The following NIN variants were observed in gnomAD, a reference collection of about 807,000 sequenced individuals.
The protein encoded by NIN is ninein.
NIN carries 137 observed loss-of-function variants against 257.6 expected under a neutral mutation model. The observed-to-expected ratio is 0.53, with a 90% CI of 0.46 to 0.61. NIN has a LOEUF of 0.61. Among genes scored for constraint, NIN ranks in the 20% least tolerant of loss-of-function variants. NIN has a pLI of 0.00. For missense variants in NIN, 2,439 were observed against 2,501.2 expected, an observed-to-expected ratio of 0.98 and a Z score of 0.53; for synonymous variants, 918 against 919.8, an observed-to-expected ratio of 1.00 and a Z score of 0.04.
intron 4 of NIN, among the ~76,000 whole-genome samples, chr14:50,797,037 A>AT (rs2043870666): frequency 6.6e-6 from 1 of 152,240 alleles, no homozygotes; most frequent in East Asian, 1.9e-4. Context: ...CTTTGCAAAA[A>AT]CATAAGCTCA....
chr14:50,741,490 A>T (rs1377347698), intron 25 of NIN, 92 bp downstream of exon 25: 1 of 938,278 alleles, frequency 1.1e-6, no homozygotes, highest in Non-Finnish European at 1.6e-6. Flanking sequence ...TTATATGTAC[A>T]TACATATACA....
At chr14:50,806,671 G>A in intron 4 of NIN, 66 bp downstream of exon 4, 1 of 838,796 alleles carries the variant, frequency 1.2e-6, no homozygotes, top group Non-Finnish European at 2.0e-6. Context: ...ATGCTTCAAG[G>A]TCCCCAGATT....
At chr14:50,738,569 G>T (rs1461873839) in intron 26 of NIN, among the ~76,000 whole-genome samples, 3 of 152,204 alleles carry the variant, frequency 2.0e-5, no homozygotes, top group Admixed American at 2.0e-4. Flanking sequence ...TGATGTGGCT[G>T]CCAGGAAAAC....
chr14:50,733,757 ATATAAT>A (rs1249425597), intron 28 of NIN, among the ~76,000 whole-genome samples: 1 of 152,170 alleles, frequency 6.6e-6, no homozygotes, highest in Non-Finnish European at 1.5e-5. Context: ...TCCTCAGAGT[ATATAAT>A]TATATTTCAT....
chr14:50,746,775 C>G (rs906404347), intron 22 of NIN, among the ~76,000 whole-genome samples: 1 of 152,160 alleles, frequency 6.6e-6, no homozygotes, highest in Admixed American at 6.5e-5. Flanking sequence ...TTGTTTTTTT[C>G]CAACAATGCA....
At chr14:50,790,027 C>A (rs934808883) in intron 5 of NIN, among the ~76,000 whole-genome samples, 1 of 152,226 alleles carries the variant, frequency 6.6e-6, no homozygotes, top group African/African-American at 2.4e-5. Flanking sequence ...TAACCGCCAA[C>A]AGGAACATCG....
At chr14:50,772,002 A>G (rs74343252) in intron 9 of NIN, 1 of 201,246 alleles carries the variant, frequency 5.0e-6, no homozygotes, top group Admixed American at 7.4e-5. Flanking sequence ...AAAACAAACA[A>G]CAAAAAACAA....
rs2040601121 is a variant in NIN at position 50,729,828 on chromosome 14, A to G, written c.5878-105T>C. Reference sequence around the variant, plus strand: ...AATGAAGACTATTAATTCATTAATAACCCCAGACCCACTGAAACTTGGAAA... The same window carrying G: ...AATGAAGACTATTAATTCATTAATAGCCCCAGACCCACTGAAACTTGGAAA... On this transcript the variant is annotated intron_variant, in intron 28 of 30. Coordinates refer to ENST00000530997, the MANE Select transcript of NIN (RefSeq NM_020921.4). 3.7e-6 allele frequency: 3 copies of G among 803,716 alleles called. No individual in the cohort carries two copies. In the Admixed American group the frequency reaches 1.0e-4, roughly 27 times the overall value. The allele number at this position is 803,716 out of a possible 1,614,324, so 49.8% of individuals were successfully genotyped here.
chr14:50,785,417 C>A (rs548737083), intron 5 of NIN, among the ~76,000 whole-genome samples: 2 of 152,358 alleles, frequency 1.3e-5, no homozygotes, highest in South Asian at 4.1e-4. Context: ...GCATTCTTAC[C>A]CAGCAGAGGT....
At chr14:50,748,576 T>C (rs779113423) in intron 21 of NIN, among the ~76,000 whole-genome samples, 12 of 152,144 alleles carry the variant, frequency 7.9e-5, no homozygotes, top group Non-Finnish European at 1.3e-4. Flanking sequence ...GAAAACCCCA[T>C]TGTCTCAGCC....
intron 7 of NIN, among the ~76,000 whole-genome samples, chr14:50,776,655 C>T (rs900066223): frequency 6.6e-6 from 1 of 152,208 alleles, no homozygotes; most frequent in East Asian, 1.9e-4. Flanking sequence ...GGCACCTCTA[C>T]AAATACATCT....
chr14:50,794,799 T>G (rs1364790591), intron 4 of NIN, among the ~76,000 whole-genome samples: 1 of 149,062 alleles, frequency 6.7e-6, no homozygotes, highest in East Asian at 2.0e-4. Context: ...AGAAAACAAC[T>G]ATCTTTTAAA....
intron 22 of NIN, 81 bp downstream of exon 22, chr14:50,747,908 CTGG>C: frequency 1.1e-6 from 1 of 900,418 alleles, no homozygotes; most frequent in Admixed American, 1.9e-5. Context: ...CAAAGGACAA[CTGG>C]TGGTTAGAAA....
chr14:50,780,734 C>T (rs2043102873), intron 5 of NIN, among the ~76,000 whole-genome samples: 1 of 152,180 alleles, frequency 6.6e-6, no homozygotes, highest in Non-Finnish European at 1.5e-5. Context: ...AAATGGAAGA[C>T]ACCAAAAGGC....
chr14:50,743,008 G>A (rs1440490224), intron 24 of NIN, among the ~76,000 whole-genome samples: 1 of 152,104 alleles, frequency 6.6e-6, no homozygotes, highest in Non-Finnish European at 1.5e-5. Flanking sequence ...CTGTCGTGCA[G>A]GCTGAAGTGT....
In NIN at chr14:50,738,277, A is replaced by AT; in HGVS notation, c.5637_5638insA (p.Leu1880IlefsTer34). 2 of 1,613,634 alleles carry AT rather than the reference A, an allele frequency of 1.2e-6. No homozygotes were observed. Among genetic ancestry groups the AT allele is most frequent in the Non-Finnish European group, 1.7e-6 (2 of 1,179,800 alleles). ...TGCTTGGGAAGAAGATTGGATTCCA[A>AT]CTGACGGACCTAACAGGAACAAATG... is the stretch of plus-strand genomic sequence containing the variant. On this transcript the variant is annotated frameshift_variant, in exon 27 of 31. Coordinates refer to ENST00000530997, the MANE Select transcript of NIN (RefSeq NM_020921.4). LOFTEE classifies it high-confidence loss of function.
At chr14:50,831,256 G>C (rs1049322960), upstream of NIN, 3 of 151,746 alleles carry the variant, frequency 2.0e-5, no homozygotes, top group Non-Finnish European at 2.9e-5. Flanking sequence ...AGGGAGGAGC[G>C]GGCGGCGCCG....
At chr14:50,818,140 G>A (rs1378060475) in intron 3 of NIN, among the ~76,000 whole-genome samples, 1 of 151,748 alleles carries the variant, frequency 6.6e-6, no homozygotes, top group African/African-American at 2.4e-5. Flanking sequence ...TGGCTAACAT[G>A]GTGAAACCCT....
intron 7 of NIN, 78 bp downstream of exon 7, chr14:50,776,871 C>T: frequency 3.1e-6 from 4 of 1,308,532 alleles, no homozygotes; most frequent in Non-Finnish European, 3.2e-6. Context: ...CAGAGAGCCA[C>T]ACTACAGCTG....
Sources: gnomAD v4.1 joint callset for allele counts (sites outside exome capture counted in the v4.1 genomes callset) on GRCh38, gnomAD v4.1.1 for gene constraint, MANE v1.5 for transcripts, NCBI Gene and HGNC (gene_info 2026-07-23, HGNC 2026-07-21) for gene names.